Variants in LAMA2 observed in about 807,000 individuals in gnomAD.
The protein encoded by LAMA2 is laminin subunit alpha 2.
Under a neutral mutation model 364.8 loss-of-function variants are expected in LAMA2, and 269 were observed. The observed-to-expected ratio is 0.74, with a 90% CI of 0.67 to 0.82. The LOEUF is 0.82. Ranked by LOEUF, LAMA2 falls within the 40% of genes least tolerant of loss-of-function variation. The probability of loss-of-function intolerance (pLI) is 0.00; values close to 1 mark genes in which losing one functional copy is unlikely to be tolerated. For synonymous variants in LAMA2, 1,379 were observed against 1,370.6 expected (o/e 1.01, Z -0.14); for missense variants, 3,807 against 3,873.2 (o/e 0.98, Z 0.45).
chr6:129,295,651 T>C (rs1417259753), intron 20 of LAMA2, among the ~76,000 whole-genome samples: 1 of 152,074 alleles, frequency 6.6e-6, no homozygotes, highest in East Asian at 1.9e-4. Context: ...TAATCGACTT[T>C]GGAATTTTTA....
At chr6:129,292,952 G>C in intron 20 of LAMA2, 4 of 985,900 alleles carry the variant, frequency 4.1e-6, no homozygotes, top group Non-Finnish European at 4.8e-6. Context: ...GCAGGCAGGT[G>C]CACCAACAGG....
intron 1 of LAMA2, among the ~76,000 whole-genome samples, chr6:128,927,902 TA>T (rs1562839461): frequency 6.6e-6 from 1 of 151,190 alleles, no homozygotes; most frequent in Non-Finnish European, 1.5e-5. Context: ...AATGTGGCTT[TA>T]AAAAAAGTAA....
chr6:129,481,241 T>A, intron 54 of LAMA2, 22 bp from the exon 55 acceptor site: 1 of 1,605,386 alleles, frequency 6.2e-7, no homozygotes. Context: ...TGGTTTCTAC[T>A]CTTCTTTTCC....
intron 55 of LAMA2, among the ~76,000 whole-genome samples, chr6:129,483,822 C>T (rs1169339898): frequency 5.9e-5 from 9 of 152,010 alleles, no homozygotes; most frequent in Non-Finnish European, 1.5e-5. Flanking sequence ...TAGATGGAAA[C>T]AGCATTTGAC....
Position 129,456,536 on chromosome 6 carries a change from A to G in LAMA2, c.6867+42A>G, listed in dbSNP as rs1457997137. ...CCTCCTGTTTATTTCATCTTTGTTGACATCTCCTGACATAATTACTTCAGG... is the reference window on the plus strand; with the variant it reads ...CCTCCTGTTTATTTCATCTTTGTTGGCATCTCCTGACATAATTACTTCAGG... On this transcript the variant is annotated intron_variant, in intron 48 of 64. Coordinates refer to ENST00000421865, the MANE Select transcript of LAMA2 (RefSeq NM_000426.4). 6 of 1,523,948 alleles carry G rather than the reference A, an allele frequency of 3.9e-6. No homozygotes were observed. The Admixed American group carries it at 1.0e-4, about 25-fold the overall frequency. The allele number at this position is 1,523,948 out of a possible 1,614,324, so 94.4% of individuals were successfully genotyped here.
At chr6:129,514,073 CCTTTT>C (rs1786822849) in intron 63 of LAMA2, among the ~76,000 whole-genome samples, 1 of 152,152 alleles carries the variant, frequency 6.6e-6, no homozygotes, top group Non-Finnish European at 1.5e-5. Flanking sequence ...TACACTAGGT[CCTTTT>C]CTTGTCACCT....
chr6:129,041,708 G>A (rs1787111008), intron 1 of LAMA2, among the ~76,000 whole-genome samples: 1 of 152,028 alleles, frequency 6.6e-6, no homozygotes, highest in Admixed American at 6.6e-5. Flanking sequence ...TCGAAATCTA[G>A]ATTCTAAAAT....
At chr6:129,336,485 A>G (rs919827600) in intron 29 of LAMA2, among the ~76,000 whole-genome samples, 2 of 152,230 alleles carry the variant, frequency 1.3e-5, no homozygotes, top group Admixed American at 1.3e-4. Context: ...AAAACTGTGT[A>G]TGTACCAGGA....
chr6:129,378,007 TAAAAG>T lies in LAMA2; in HGVS notation c.4960-5109_4960-5105del, dbSNP rs575829044. Among the ~76,000 whole-genome samples, 4 of 150,036 alleles carry T rather than the reference TAAAAG, an allele frequency of 2.7e-5. No individual in the cohort carries two copies. In the South Asian group the frequency reaches 8.4e-4, roughly 32 times the overall value. ...AAACCTAGTTGAGTGAATGTCAACA[TAAAAG>T]AAAAGGTAATCAAAGGCAAGAGAGA... On this transcript the variant is annotated intron_variant, in intron 34 of 64. Coordinates refer to ENST00000421865, the MANE Select transcript of LAMA2 (RefSeq NM_000426.4).
At chr6:129,380,636 G>A (rs1187000282) in intron 34 of LAMA2, among the ~76,000 whole-genome samples, 1 of 152,168 alleles carries the variant, frequency 6.6e-6, no homozygotes, top group Non-Finnish European at 1.5e-5. Context: ...CAAGGACCCA[G>A]TCTTTACAGG....
At chr6:129,088,200 A>G (rs549823748) in intron 3 of LAMA2, among the ~76,000 whole-genome samples, 1 of 150,534 alleles carries the variant, frequency 6.6e-6, no homozygotes, top group Non-Finnish European at 1.5e-5. Context: ...TTCAGAGAGC[A>G]CGGGGTTGGG....
At chr6:129,084,005 A>T (rs1048265224) in intron 3 of LAMA2, among the ~76,000 whole-genome samples, 3 of 152,086 alleles carry the variant, frequency 2.0e-5, no homozygotes, top group Admixed American at 1.3e-4. Context: ...TTTCTTTACC[A>T]CTCTATATTA....
intron 1 of LAMA2, among the ~76,000 whole-genome samples, chr6:128,918,493 T>A (rs987375405): frequency 1.3e-5 from 2 of 152,298 alleles, no homozygotes; most frequent in South Asian, 2.1e-4. Context: ...ATTTTCAGAT[T>A]TATTAGGTGT....
chr6:128,922,926 T>C (rs1370634242), intron 1 of LAMA2, among the ~76,000 whole-genome samples: 1 of 151,948 alleles, frequency 6.6e-6, no homozygotes, highest in East Asian at 1.9e-4. Flanking sequence ...TTTCTACATA[T>C]GGCTAGCCAG....
At chr6:129,070,036 G>A (rs1157082110) in intron 3 of LAMA2, among the ~76,000 whole-genome samples, 1 of 151,992 alleles carries the variant, frequency 6.6e-6, no homozygotes, top group East Asian at 1.9e-4. Context: ...AGGCTGGAGT[G>A]AGACTAAGGA....
intron 22 of LAMA2, among the ~76,000 whole-genome samples, chr6:129,305,887 G>T (rs1773837356): frequency 1.3e-5 from 2 of 149,796 alleles, no homozygotes; most frequent in East Asian, 2.0e-4. Flanking sequence ...CTTGACTTTT[G>T]GATTATTAAA....
intron 4 of LAMA2, among the ~76,000 whole-genome samples, chr6:129,118,818 A>G (rs1776623984): frequency 6.6e-6 from 1 of 152,212 alleles, no homozygotes; most frequent in African/African-American, 2.4e-5. Flanking sequence ...TCCCTAAAGA[A>G]TGAGAGAAGG....
chr6:129,095,618 A>G lies in LAMA2; in HGVS notation c.397-2555A>G, dbSNP rs183740147. ...ATGGGACATGGGTTATGGGTTAAAG[A>G]TGTACAAGCTGGCCGGGCACGGTGG... On this transcript the variant is annotated intron_variant, in intron 3 of 64. Transcript: ENST00000421865. 3.0e-4 allele frequency among the ~76,000 whole-genome samples: 46 copies of G among 152,162 alleles called. No individual in the cohort carries two copies. The South Asian group carries it at 4.8e-3, about 16-fold the overall frequency.
At chr6:129,421,320 T>C (rs971279940) in intron 40 of LAMA2, among the ~76,000 whole-genome samples, 3 of 151,828 alleles carry the variant, frequency 2.0e-5, no homozygotes, top group Non-Finnish European at 4.4e-5. Context: ...ATATAACTTG[T>C]ATATCCATAT....
Sources: allele counts gnomAD v4.1 joint callset (sites outside exome capture counted in the v4.1 genomes callset), GRCh38; gene constraint gnomAD v4.1.1; transcripts MANE v1.5; gene names NCBI Gene and HGNC (gene_info 2026-07-23, HGNC 2026-07-21).